CHST11: variants seen among roughly 807,000 people sequenced by gnomAD.
CHST11 encodes C4S-1.
Under a neutral mutation model 30.4 loss-of-function variants are expected in CHST11, and 9 were observed. That is an observed-to-expected ratio of 0.30 (90% confidence interval 0.18 to 0.52). CHST11 has a LOEUF of 0.52. CHST11 is among the 20% of genes least tolerant of loss of function. CHST11 has a pLI of 0.97. For missense variants in CHST11, 348 were observed against 460.6 expected, an observed-to-expected ratio of 0.76 and a Z score of 2.24; for synonymous variants, 152 against 187.8, an observed-to-expected ratio of 0.81 and a Z score of 1.56.
chr12:104,730,403 T>C (rs889823878), intron 2 of CHST11, among the ~76,000 whole-genome samples: 2 of 152,204 alleles, frequency 1.3e-5, no homozygotes, highest in African/African-American at 4.8e-5. Flanking sequence ...CAATAAATGT[T>C]AGCCACTGAT....
At chr12:104,641,562 G>A (rs78781660) in intron 2 of CHST11, among the ~76,000 whole-genome samples, 6 of 152,304 alleles carry the variant, frequency 3.9e-5, no homozygotes, top group Admixed American at 2.6e-4. Context: ...GTTCCTGCCT[G>A]CAAAGGGGTC....
At chr12:104,710,659 A>G (rs1224483527) in intron 2 of CHST11, among the ~76,000 whole-genome samples, 1 of 152,216 alleles carries the variant, frequency 6.6e-6, no homozygotes, top group Non-Finnish European at 1.5e-5. Context: ...AGTTAGCAGT[A>G]AGTCACAGGT....
At chr12:104,679,096 C>T (rs1021359691) in intron 2 of CHST11, among the ~76,000 whole-genome samples, 2 of 152,140 alleles carry the variant, frequency 1.3e-5, no homozygotes, top group East Asian at 1.9e-4. Context: ...GGCCACCAAC[C>T]GACCTGTGAG....
intron 2 of CHST11, among the ~76,000 whole-genome samples, chr12:104,689,305 G>T (rs1021972395): frequency 6.6e-6 from 1 of 152,234 alleles, no homozygotes; most frequent in Non-Finnish European, 1.5e-5. Context: ...GGACATGCTT[G>T]CTTCCAATCG....
At chr12:104,479,593 T>A (rs1446395983) in intron 1 of CHST11, among the ~76,000 whole-genome samples, 3 of 152,176 alleles carry the variant, frequency 2.0e-5, no homozygotes, top group Admixed American at 2.0e-4. Flanking sequence ...AGGCATCAGA[T>A]CTTGTTTTTC....
rs187338776 is a variant in CHST11 at position 104,754,415 on chromosome 12, G to A, written c.205-2534G>A. Among the ~76,000 whole-genome samples, 224 of 152,310 alleles carry A rather than the reference G, an allele frequency of 1.5e-3. 1 individual carries two copies. Among genetic ancestry groups the A allele is most frequent in the African/African-American group, 4.8e-3 (199 of 41,570 alleles). The stretch of plus-strand genomic sequence containing the variant: ...GGGATCATTCACATCACTGTGGTCC[G>A]TGGATGGCTGGCAGTTGGTGCTGGT... On this transcript the variant is annotated intron_variant, in intron 2 of 2. Coordinates refer to ENST00000303694, the MANE Select transcript of CHST11 (RefSeq NM_018413.6).
intron 2 of CHST11, among the ~76,000 whole-genome samples, chr12:104,683,490 G>T (rs1468925113): frequency 6.6e-6 from 1 of 152,114 alleles, no homozygotes. Flanking sequence ...TGGCTACACT[G>T]AACAATTTTC....
chr12:104,708,560 A>G (rs1166822882), intron 2 of CHST11, among the ~76,000 whole-genome samples: 1 of 152,108 alleles, frequency 6.6e-6, no homozygotes, highest in Non-Finnish European at 1.5e-5. Flanking sequence ...CCAAGCTTGC[A>G]AGGTGCTCAG....
At chr12:104,709,149 A>G (rs898708554) in intron 2 of CHST11, among the ~76,000 whole-genome samples, 1 of 152,186 alleles carries the variant, frequency 6.6e-6, no homozygotes, top group Non-Finnish European at 1.5e-5. Flanking sequence ...AAACAAAGAA[A>G]TGCTTAAAAC....
intron 2 of CHST11, among the ~76,000 whole-genome samples, chr12:104,710,592 T>C (rs1159397224): frequency 6.6e-6 from 1 of 152,178 alleles, no homozygotes; most frequent in East Asian, 1.9e-4. Context: ...GCTACATTCA[T>C]CTTCTTCCTG....
chr12:104,497,656 T>C (rs1284258714), intron 1 of CHST11, among the ~76,000 whole-genome samples: 3 of 152,212 alleles, frequency 2.0e-5, no homozygotes, highest in Admixed American at 2.0e-4. Flanking sequence ...GGGTTTTCCA[T>C]GAGGAACCAA....
intron 1 of CHST11, among the ~76,000 whole-genome samples, chr12:104,482,353 C>CT (rs1555226883): frequency 7.4e-5 from 11 of 149,546 alleles, no homozygotes; most frequent in South Asian, 2.1e-4. Flanking sequence ...AGCCCCCCCC[C>CT]GCAAAAATGA....
chr12:104,701,487 C>T (rs2039990228), intron 2 of CHST11, among the ~76,000 whole-genome samples: 1 of 152,054 alleles, frequency 6.6e-6, no homozygotes, highest in Non-Finnish European at 1.5e-5. Context: ...GGCTAATAAC[C>T]TCCAGTACGA....
chr12:104,750,980 G>A (rs185685094), intron 2 of CHST11, among the ~76,000 whole-genome samples: 249 of 152,300 alleles, frequency 1.6e-3, no homozygotes, highest in Non-Finnish European at 2.7e-3. Context: ...TTCCTGAGGG[G>A]AAACTGTGTG....
intron 1 of CHST11, among the ~76,000 whole-genome samples, chr12:104,577,605 T>C (rs2038698195): frequency 6.6e-6 from 1 of 152,200 alleles, no homozygotes; most frequent in African/African-American, 2.4e-5. Context: ...TTTCTATTTC[T>C]GGGTGAAGCA....
At chr12:104,573,250 G>A (rs1438516268) in intron 1 of CHST11, among the ~76,000 whole-genome samples, 1 of 152,082 alleles carries the variant, frequency 6.6e-6, no homozygotes, top group African/African-American at 2.4e-5. Flanking sequence ...CTCATGGATA[G>A]GAAGAATCAA....
intron 2 of CHST11, among the ~76,000 whole-genome samples, chr12:104,625,381 T>C (rs2039203556): frequency 6.6e-6 from 1 of 152,214 alleles, no homozygotes; most frequent in East Asian, 1.9e-4. Context: ...GTCAGGTCAC[T>C]GCAACCTCTG....
intron 2 of CHST11, among the ~76,000 whole-genome samples, chr12:104,734,399 T>A (rs2040282073): frequency 6.6e-6 from 1 of 152,052 alleles, no homozygotes; most frequent in South Asian, 2.1e-4. Context: ...ATGAATGTCA[T>A]TCATTTAAAT....
intron 1 of CHST11, among the ~76,000 whole-genome samples, chr12:104,466,677 G>A (rs2037462770): frequency 6.6e-6 from 1 of 152,228 alleles, no homozygotes; most frequent in South Asian, 2.1e-4. Context: ...AAGGAGGGTA[G>A]AATGAACGAT....
Sources: gnomAD v4.1 joint callset for allele counts (sites outside exome capture counted in the v4.1 genomes callset) on GRCh38, gnomAD v4.1.1 for gene constraint, MANE v1.5 for transcripts, NCBI Gene and HGNC (gene_info 2026-07-23, HGNC 2026-07-21) for gene names.